CDX1: variants seen among roughly 807,000 people sequenced by gnomAD.
The protein encoded by CDX1 is caudal type homeobox 1.
CDX1 carries 9 observed loss-of-function variants against 16.9 expected under a neutral mutation model. The observed-to-expected ratio is 0.53, with a 90% CI of 0.32 to 0.93. The LOEUF is 0.93. Among genes scored for constraint, CDX1 ranks in the 40% least tolerant of loss-of-function variants. The pLI is 0.04. For missense variants in CDX1, 393 were observed against 386.1 expected (o/e 1.02, Z -0.15); for synonymous variants, 179 against 179.0 (o/e 1.00, Z 0.00).
intron 1 of CDX1, among the ~76,000 whole-genome samples, chr5:150,175,712 A>G (rs535733302): frequency 4.6e-5 from 7 of 152,312 alleles, no homozygotes; most frequent in Admixed American, 1.3e-4. Context: ...GTTAGGGCAC[A>G]GTGGAGAGCC....
intron 1 of CDX1, among the ~76,000 whole-genome samples, chr5:150,169,740 T>G (rs911380971): frequency 1.3e-5 from 2 of 152,180 alleles, no homozygotes; most frequent in African/African-American, 4.8e-5. Context: ...TAATCCCCAC[T>G]GGCACTGGCC....
At chr5:150,181,569 G>A (rs564866333) in intron 1 of CDX1, among the ~76,000 whole-genome samples, 167 of 152,156 alleles carry the variant, frequency 1.1e-3, no homozygotes, top group Non-Finnish European at 4.4e-4. Flanking sequence ...GTGAGCCACC[G>A]CGCCTGGCCC....
At chr5:150,169,653 G>A (rs985036705) in intron 1 of CDX1, among the ~76,000 whole-genome samples, 1 of 152,166 alleles carries the variant, frequency 6.6e-6, no homozygotes, top group Non-Finnish European at 1.5e-5. Flanking sequence ...GAAGGCATAG[G>A]GTTTCCAGGG....
chr5:150,181,249 G>A (rs1337450958), intron 1 of CDX1, among the ~76,000 whole-genome samples: 2 of 152,120 alleles, frequency 1.3e-5, no homozygotes, highest in African/African-American at 4.8e-5. Flanking sequence ...CCTCTCCCCA[G>A]ATGTCTGCAT....
chr5:150,181,906 G>T (rs1025683324), intron 1 of CDX1, among the ~76,000 whole-genome samples: 1 of 152,188 alleles, frequency 6.6e-6, no homozygotes, highest in African/African-American at 2.4e-5. Flanking sequence ...CTCCTGCCCG[G>T]TGCCTGGACA....
At chr5:150,179,460 G>A (rs1266826899) in intron 1 of CDX1, among the ~76,000 whole-genome samples, 1 of 152,212 alleles carries the variant, frequency 6.6e-6, no homozygotes, top group Admixed American at 6.5e-5. Flanking sequence ...AGCTGGGCCT[G>A]AGGTCAGAAA....
intron 1 of CDX1, among the ~76,000 whole-genome samples, chr5:150,181,513 G>GTGATCCACCTCCCTCAGCCTCCCA (rs1752417683): frequency 6.6e-6 from 1 of 152,058 alleles, no homozygotes; most frequent in Admixed American, 6.6e-5. Context: ...CTGACCTCAC[G>GTGATCCACCTCCCTCAGCCTCCCA]TGATCCACCT....
rs1752497423 is a variant in CDX1 at position 150,183,516 on chromosome 5, G to C, written c.634G>C (p.Val212Leu). 6.2e-7 allele frequency: 1 copy of C among 1,611,864 alleles called. No homozygotes were observed. Among genetic ancestry groups the C allele is most frequent in the African/African-American group, 1.3e-5 (1 of 74,878 alleles). Residue 212 changes from valine (V) to leucine (L), a missense_variant, in exon 3 of 3, where the codon GTG (valine) becomes CTG (leucine). Val to Leu is a conservative substitution (Grantham distance 32). Transcript: ENST00000231656. ...FQNRRAKERK[V>L]NKKKQQQQQP... ...AAACCGGCGGGCAAAGGAGCGCAAAGTGAACAAGAAGAAACAGCAGCAGCA... is the reference window on the plus strand; with the variant it reads ...AAACCGGCGGGCAAAGGAGCGCAAACTGAACAAGAAGAAACAGCAGCAGCA...
intron 1 of CDX1, among the ~76,000 whole-genome samples, chr5:150,172,330 G>C (rs1761518312): frequency 6.6e-6 from 1 of 152,128 alleles, no homozygotes; most frequent in African/African-American, 2.4e-5. Flanking sequence ...TGTGGCATTG[G>C]CTAAATCTTT....
intron 1 of CDX1, among the ~76,000 whole-genome samples, chr5:150,172,378 G>T (rs148783427): frequency 6.6e-6 from 1 of 152,172 alleles, no homozygotes; most frequent in East Asian, 1.9e-4. Flanking sequence ...CTTTGCATGG[G>T]TGATCTCACT....
chr5:150,173,380 T>C (rs544447681), intron 1 of CDX1, among the ~76,000 whole-genome samples: 1 of 152,268 alleles, frequency 6.6e-6, no homozygotes, highest in African/African-American at 2.4e-5. Context: ...CTGGGGGCCT[T>C]TGTACCTACT....
chr5:150,177,371 G>A (rs1309325018), intron 1 of CDX1, among the ~76,000 whole-genome samples: 1 of 152,238 alleles, frequency 6.6e-6, no homozygotes, highest in Non-Finnish European at 1.5e-5. Flanking sequence ...ATTCCTGCCA[G>A]ATGGTCATCC....
intron 1 of CDX1, among the ~76,000 whole-genome samples, chr5:150,181,173 A>T (rs979875765): frequency 1.3e-5 from 2 of 152,186 alleles, no homozygotes; most frequent in Non-Finnish European, 1.5e-5. Flanking sequence ...ACTGTCAGAC[A>T]GCAGGCAGAC....
rs566299693 is a variant in CDX1, at chr5:150,182,693, G to T, written c.446-75G>T. ...GGGAGCCTGGATTGTCTTCCTCCTGGGGGTCCTGCCTGGGCCTTTTTTGTA... is the reference window on the plus strand; with the variant it reads ...GGGAGCCTGGATTGTCTTCCTCCTGTGGGTCCTGCCTGGGCCTTTTTTGTA... On this transcript the variant is annotated intron_variant, in intron 1 of 2. Coordinates refer to ENST00000231656, the MANE Select transcript of CDX1 (RefSeq NM_001804.3). The T allele has an allele frequency of 3.5e-6, 5 of 1,422,826 alleles. No homozygotes were observed. In the African/African-American group the frequency reaches 7.3e-5, roughly 21 times the overall value. 88.1% of individuals were successfully genotyped at this position (1,422,826 alleles called of 1,614,324 possible). A position where few individuals can be genotyped will look rare whatever the true frequency, so the allele number is the denominator to read the frequency against.
intron 1 of CDX1, among the ~76,000 whole-genome samples, chr5:150,172,736 A>G (rs868597031): frequency 1.3e-5 from 2 of 152,186 alleles, no homozygotes; most frequent in African/African-American, 2.4e-5. Flanking sequence ...TTGACACCTC[A>G]TCGCTCAGAT....
Position 150,166,828 on chromosome 5 carries a change from G to A in CDX1, c.-49G>A. Reference sequence around the variant, plus strand: ...CGGTTGCTCGTCGTCGGGGCGGCCGGCAGCGGCGGCTCCAGGGCCCAGCAT... The same window carrying A: ...CGGTTGCTCGTCGTCGGGGCGGCCGACAGCGGCGGCTCCAGGGCCCAGCAT... On this transcript the variant is annotated 5_prime_UTR_variant, in exon 1 of 3. Coordinates refer to ENST00000231656, the MANE Select transcript of CDX1 (RefSeq NM_001804.3). The A allele has an allele frequency of 3.8e-6, 5 of 1,309,470 alleles. No individual in the cohort carries two copies. Among genetic ancestry groups the A allele is most frequent in the Admixed American group, 3.6e-5 (1 of 27,678 alleles). The allele number at this position is 1,309,470 out of a possible 1,614,324, so 81.1% of individuals were successfully genotyped here.
chr5:150,182,002 C>T (rs576409943), intron 1 of CDX1, among the ~76,000 whole-genome samples: 100 of 152,262 alleles, frequency 6.6e-4, no homozygotes, highest in South Asian at 1.0e-3. Flanking sequence ...TGAGCCAGAG[C>T]CTTTGAGGTA....
chr5:150,171,376 C>T (rs1399923834), intron 1 of CDX1, among the ~76,000 whole-genome samples: 1 of 152,178 alleles, frequency 6.6e-6, no homozygotes, highest in Non-Finnish European at 1.5e-5. Context: ...TGCTATGTCA[C>T]CCACGCTGGA....
At chr5:150,168,916 G>T (rs1235802233) in intron 1 of CDX1, among the ~76,000 whole-genome samples, 1 of 152,160 alleles carries the variant, frequency 6.6e-6, no homozygotes, top group Non-Finnish European at 1.5e-5. Flanking sequence ...GCAATTTCAG[G>T]GGTTCTGGAG....
Sources: allele counts gnomAD v4.1 joint callset (sites outside exome capture counted in the v4.1 genomes callset), GRCh38; gene constraint gnomAD v4.1.1; transcripts MANE v1.5; gene names NCBI Gene and HGNC (gene_info 2026-07-23, HGNC 2026-07-21).